Variants in NCS1 observed in about 807,000 individuals in gnomAD.
The protein encoded by NCS1 is neuronal calcium sensor 1, also known as frequenin homolog.
A neutral mutation model predicts 28.4 loss-of-function variants in NCS1; 6 were observed. The observed-to-expected ratio is 0.21, with a 90% CI of 0.12 to 0.42. NCS1 has a LOEUF of 0.42. Ranked by LOEUF, NCS1 falls within the 10% of genes least tolerant of loss-of-function variation. The probability of loss-of-function intolerance (pLI) is 1.00; values close to 1 mark genes in which losing one functional copy is unlikely to be tolerated. For missense variants in NCS1, 131 were observed against 241.4 expected, an observed-to-expected ratio of 0.54 and a Z score of 3.03; for synonymous variants, 86 against 99.3, an observed-to-expected ratio of 0.87 and a Z score of 0.79.
In NCS1 at chr9:130,233,379, G is replaced by A. The variant is rs1409242473; in HGVS notation, c.*407G>A. On this transcript the variant is annotated 3_prime_UTR_variant, in exon 8 of 8. Transcript: ENST00000372398. This position sits in a 1 kb window ranked among gnomAD's most constrained non-coding sequence, Gnocchi z 4.8. ...CTGTCCTAGAAGACACAGACTGACA[G>A]ATGGGGTGAAGGCCTGGGGACCTCA... 6.6e-6 allele frequency: 1 copy of A among 152,450 alleles called. No homozygotes were observed. Among genetic ancestry groups the A allele is most frequent in the Non-Finnish European group, 1.5e-5 (1 of 68,044 alleles). The allele number at this position is 152,450 out of a possible 1,614,324, so 9.4% of individuals were successfully genotyped here. A position where few individuals can be genotyped will look rare whatever the true frequency, so the allele number is the denominator to read the frequency against.
chr9:130,204,097 A>C (rs1554907790), intron 2 of NCS1, among the ~76,000 whole-genome samples: 1 of 152,066 alleles, frequency 6.6e-6, no homozygotes, highest in Non-Finnish European at 1.5e-5. Context: ...GGTTCATGCG[A>C]ATCTCCTGCC....
At position 130,191,696 on chromosome 9, in the gene NCS1, G is replaced by A. The variant is rs1033885978; in HGVS notation, c.65-9262G>A. On this transcript the variant is annotated intron_variant, in intron 1 of 7. Transcript: ENST00000372398. The surrounding 1 kb of genome is among the most constrained non-coding windows in gnomAD (Gnocchi z 6.4). ...GGTTCAGGCTGGTGCCGGGCAGACCGCAGTCAGCACCCGATGGCGACAGTG... is the reference window on the plus strand; with the variant it reads ...GGTTCAGGCTGGTGCCGGGCAGACCACAGTCAGCACCCGATGGCGACAGTG... Among the ~76,000 whole-genome samples, 2 of 152,360 alleles carry A rather than the reference G, an allele frequency of 1.3e-5. No individual in the cohort carries two copies. The highest frequency in any genetic ancestry group is 1.9e-4 in the East Asian group (1 of 5,178).
chr9:130,185,038 A>G (rs1439626199), intron 1 of NCS1, among the ~76,000 whole-genome samples: 2 of 150,430 alleles, frequency 1.3e-5, no homozygotes, highest in African/African-American at 4.9e-5. Context: ...AGAGGCAGGC[A>G]CCTATTCATC....
chr9:130,176,454 C>G (rs1266341707), intron 1 of NCS1, among the ~76,000 whole-genome samples: 3 of 152,096 alleles, frequency 2.0e-5, no homozygotes, highest in African/African-American at 7.2e-5. Flanking sequence ...CCTTGGCTTC[C>G]CAAAGTTCTG....
chr9:130,211,964 G>C (rs1325634260), intron 2 of NCS1, among the ~76,000 whole-genome samples: 1 of 152,150 alleles, frequency 6.6e-6, no homozygotes, highest in African/African-American at 2.4e-5. Flanking sequence ...CTCTCAGGGA[G>C]ATGCTCTGGT....
intron 1 of NCS1, chr9:130,200,526 C>T (rs1832927140): frequency 5.2e-6 from 8 of 1,545,892 alleles, no homozygotes; most frequent in Non-Finnish European, 7.0e-6. Context: ...CCCCCCACCC[C>T]CCCACATAGG....
At chr9:130,200,829 C>T in intron 1 of NCS1, 129 bp from the exon 2 acceptor site, 1 of 1,458,048 alleles carries the variant, frequency 6.9e-7, no homozygotes, top group Admixed American at 1.7e-5. Flanking sequence ...TCATCCAGAG[C>T]AGGCCGTTGC....
At chr9:130,217,675 G>A (rs1363346654) in intron 2 of NCS1, among the ~76,000 whole-genome samples, 157 bp from the exon 3 acceptor site, 1 of 152,168 alleles carries the variant, frequency 6.6e-6, no homozygotes, top group Non-Finnish European at 1.5e-5. Flanking sequence ...GCAGAGGTGG[G>A]ACTGCGCCTG....
chr9:130,186,083 G>T lies in NCS1; in HGVS notation c.64+13356G>T, dbSNP rs1328236587. On this transcript the variant is annotated intron_variant, in intron 1 of 7. Transcript: ENST00000372398. The surrounding 1 kb of genome is among the most constrained non-coding windows in gnomAD (Gnocchi z 4.1). ...GCAGAGGGGAGGCCCTGGGTCCTGT[G>T]GGGGGCATGTGTGGCCAAACGGGTT... 1.3e-5 allele frequency among the ~76,000 whole-genome samples: 2 copies of T among 152,174 alleles called. No individual in the cohort carries two copies. The highest frequency in any genetic ancestry group is 1.9e-4 in the East Asian group (1 of 5,188).
intron 2 of NCS1, among the ~76,000 whole-genome samples, chr9:130,208,093 T>C (rs1320105402): frequency 6.6e-6 from 1 of 151,716 alleles, no homozygotes; most frequent in Non-Finnish European, 1.5e-5. Flanking sequence ...TGGAAAGTGA[T>C]GAGGGCATTA....
chr9:130,199,037 C>T (rs1832909271), intron 1 of NCS1, among the ~76,000 whole-genome samples: 1 of 152,120 alleles, frequency 6.6e-6, no homozygotes, highest in South Asian at 2.1e-4. Context: ...TCTTTGACTC[C>T]AGGCCCGGTG....
At chr9:130,199,203 C>G (rs574499777) in intron 1 of NCS1, among the ~76,000 whole-genome samples, 38 of 152,128 alleles carry the variant, frequency 2.5e-4, no homozygotes, top group Non-Finnish European at 4.9e-4. Context: ...AAGCGATTCT[C>G]CTGCCTCAGC....
At chr9:130,207,001 G>T (rs1833032475) in intron 2 of NCS1, among the ~76,000 whole-genome samples, 1 of 152,090 alleles carries the variant, frequency 6.6e-6, no homozygotes, top group African/African-American at 2.4e-5. Context: ...CATGTGTGGG[G>T]CTCCCCTTGT....
At position 130,229,439 on chromosome 9, in the gene NCS1, G is replaced by A. The variant is rs59932267; in HGVS notation, c.*17+2935G>A. Among the ~76,000 whole-genome samples, 385 of 152,016 alleles carry A rather than the reference G, an allele frequency of 2.5e-3. 14 individuals are homozygous for A. In the East Asian group the frequency reaches 0.07, roughly 28 times the overall value. On this transcript the variant is annotated intron_variant, in intron 7 of 7. Coordinates refer to ENST00000372398, the MANE Select transcript of NCS1 (RefSeq NM_014286.4). ...CCGGCTAATTTTTGTACTTTTAGTA[G>A]AGATGGGGTTTCAGCATGTTGGACA...
intron 1 of NCS1, among the ~76,000 whole-genome samples, chr9:130,176,584 A>G (rs1659256027): frequency 1.3e-5 from 2 of 152,218 alleles, no homozygotes; most frequent in African/African-American, 4.8e-5. Flanking sequence ...CTCTCCACAG[A>G]GGAATCTTGC....
chr9:130,172,633 C>G lies in NCS1; in HGVS notation c.-31C>G, dbSNP rs781907421. On this transcript the variant is annotated 5_prime_UTR_variant, in exon 1 of 8. Coordinates refer to ENST00000372398, the MANE Select transcript of NCS1 (RefSeq NM_014286.4). The stretch of plus-strand genomic sequence containing the variant: ...TGCTGGGCGCCCCAACCGGGTCCGG[C>G]CCGGGGGGGCGGGGGCCGCGGCCGC... 6 of 1,405,076 alleles carry G rather than the reference C, an allele frequency of 4.3e-6. No individual in the cohort carries two copies. Among genetic ancestry groups the G allele is most frequent in the Non-Finnish European group, 5.7e-6 (6 of 1,060,484 alleles). The allele number at this position is 1,405,076 out of a possible 1,614,324, so 87.0% of individuals were successfully genotyped here.
intron 4 of NCS1, among the ~76,000 whole-genome samples, chr9:130,220,718 A>G (rs1833268182): frequency 6.6e-6 from 1 of 151,874 alleles, no homozygotes; most frequent in South Asian, 2.1e-4. Flanking sequence ...CGGCAGCAAG[A>G]AGACCCTGCA....
chr9:130,222,717 G>A lies in NCS1; in HGVS notation c.375G>A (p.Val125=). 2 of 1,614,046 alleles carry A rather than the reference G, an allele frequency of 1.2e-6. No individual in the cohort carries two copies. The highest frequency in any genetic ancestry group is 8.5e-7 in the Non-Finnish European group (1 of 1,180,004). Residue 125 remains valine, a synonymous_variant, in exon 5 of 8, where the codon GTG becomes GTA. Coordinates refer to ENST00000372398, the MANE Select transcript of NCS1 (RefSeq NM_014286.4). ...YITRNEMLDI[V]DAIYQMVGNT... is the part of the protein sequence containing the mutation. ...CCAGGAATGAGATGCTGGACATTGTGGATGCCATTTACCAGATGGTGGTGA... is the reference window on the plus strand; with the variant it reads ...CCAGGAATGAGATGCTGGACATTGTAGATGCCATTTACCAGATGGTGGTGA...
At chr9:130,222,866 C>G in intron 5 of NCS1, 128 bp downstream of exon 5, 1 of 1,030,244 alleles carries the variant, frequency 9.7e-7, no homozygotes, top group South Asian at 1.4e-5. Flanking sequence ...CTGGCTGAGC[C>G]GTTCTGTACA....
Sources: allele counts gnomAD v4.1 joint callset (sites outside exome capture counted in the v4.1 genomes callset), GRCh38; gene constraint gnomAD v4.1.1; non-coding constraint Gnocchi (gnomAD v3.1); transcripts MANE v1.5; gene names NCBI Gene and HGNC (gene_info 2026-07-23, HGNC 2026-07-21).